NCOA2: variants seen among roughly 807,000 people sequenced by gnomAD.
NCOA2 encodes the protein nuclear receptor coactivator 2.
In NCOA2, 21 loss-of-function variants were observed where a neutral mutation model predicts 145.1. The observed-to-expected ratio is 0.14, with a 90% CI of 0.10 to 0.21. The LOEUF (loss-of-function observed/expected upper bound fraction) is 0.21, where lower values mean the gene tolerates loss of function less well. NCOA2 is among the 10% of genes least tolerant of loss of function. The pLI is 1.00. For missense variants in NCOA2, 1,472 were observed against 1,837.6 expected, an observed-to-expected ratio of 0.80 and a Z score of 3.64; for synonymous variants, 619 against 637.5, an observed-to-expected ratio of 0.97 and a Z score of 0.44.
the NCOA2 span, among the ~76,000 whole-genome samples, chr8:70,443,808 C>T: frequency 6.6e-6 from 1 of 152,156 alleles, no homozygotes; most frequent in African/African-American, 2.4e-5. Flanking sequence ...CTCTCGGCCT[C>T]AAGTGATCCT....
At chr8:70,359,724 A>C (rs1401085595) in intron 1 of NCOA2, among the ~76,000 whole-genome samples, 1 of 152,192 alleles carries the variant, frequency 6.6e-6, no homozygotes, top group African/African-American at 2.4e-5. Context: ...TATTAACTCA[A>C]CTTCACCTCA....
At chr8:70,357,629 T>C (rs1313554562) in intron 1 of NCOA2, among the ~76,000 whole-genome samples, 3 of 152,178 alleles carry the variant, frequency 2.0e-5, no homozygotes, top group East Asian at 1.9e-4. Flanking sequence ...TAGTCCCAGC[T>C]ACTAGTGAGG....
At chr8:70,132,758 G>A (rs897348807) in intron 15 of NCOA2, among the ~76,000 whole-genome samples, 19 of 152,130 alleles carry the variant, frequency 1.2e-4, no homozygotes, top group Non-Finnish European at 1.5e-4. Context: ...TAGAGATGGC[G>A]TTTCGCCATG....
the NCOA2 span, among the ~76,000 whole-genome samples, chr8:70,431,005 T>G: frequency 6.6e-6 from 1 of 152,212 alleles, no homozygotes; most frequent in South Asian, 2.1e-4. Flanking sequence ...AGCTGTATGT[T>G]GGAGTTTTAT....
At chr8:70,332,570 G>A (rs1403061508) in intron 1 of NCOA2, among the ~76,000 whole-genome samples, 1 of 152,116 alleles carries the variant, frequency 6.6e-6, no homozygotes, top group African/African-American at 2.4e-5. Context: ...GTTTTTAGGT[G>A]GGGGTGGCAA....
chr8:70,297,724 T>G (rs906742286), intron 1 of NCOA2, among the ~76,000 whole-genome samples: 1 of 152,218 alleles, frequency 6.6e-6, no homozygotes, highest in African/African-American at 2.4e-5. Context: ...GAACTGAATA[T>G]TTTCAATAAT....
At chr8:70,332,686 TA>T (rs1807218374) in intron 1 of NCOA2, among the ~76,000 whole-genome samples, 1 of 152,220 alleles carries the variant, frequency 6.6e-6, no homozygotes, top group Non-Finnish European at 1.5e-5. Context: ...TATATCTAAT[TA>T]TTTTTTTCCA....
At chr8:70,194,574 A>C (rs1817065488) in intron 4 of NCOA2, among the ~76,000 whole-genome samples, 1 of 152,160 alleles carries the variant, frequency 6.6e-6, no homozygotes, top group South Asian at 2.1e-4. Flanking sequence ...GTACAAAATG[A>C]ATGTTCTAAA....
upstream of NCOA2, among the ~76,000 whole-genome samples, chr8:70,406,103 A>G (rs984094083): frequency 6.6e-6 from 1 of 152,204 alleles, no homozygotes; most frequent in African/African-American, 2.4e-5. Context: ...TGTAAGTGCA[A>G]CAGAGCCCAA....
chr8:70,232,067 C>A (rs2134239219), intron 2 of NCOA2, among the ~76,000 whole-genome samples: 1 of 152,290 alleles, frequency 6.6e-6, no homozygotes. Context: ...TATAATCATG[C>A]CCTGAACCTT....
intron 2 of NCOA2, among the ~76,000 whole-genome samples, chr8:70,254,826 C>T (rs537434954): frequency 2.9e-4 from 44 of 152,184 alleles, no homozygotes; most frequent in East Asian, 9.6e-4. Context: ...CACTTAATGC[C>T]ACAGAACTAT....
intron 13 of NCOA2, among the ~76,000 whole-genome samples, chr8:70,143,549 C>T (rs1810696945): frequency 6.6e-6 from 1 of 152,098 alleles, no homozygotes; most frequent in African/African-American, 2.4e-5. Context: ...GCAGTCAGTG[C>T]ATGACATATG....
intron 1 of NCOA2, among the ~76,000 whole-genome samples, chr8:70,333,187 C>T (rs1807258558): frequency 6.6e-6 from 1 of 152,176 alleles, no homozygotes; most frequent in Non-Finnish European, 1.5e-5. Flanking sequence ...TTTCCAACTG[C>T]TTGCAGGGCA....
At chr8:70,131,659 G>A (rs1809116915) in intron 16 of NCOA2, among the ~76,000 whole-genome samples, 178 bp downstream of exon 16, 1 of 152,162 alleles carries the variant, frequency 6.6e-6, no homozygotes, top group Non-Finnish European at 1.5e-5. Flanking sequence ...TCAGGCAAAA[G>A]TTTATGTGAG....
chr8:70,296,719 T>C (rs1323363743), intron 2 of NCOA2, 25 bp downstream of exon 2: 1 of 152,172 alleles, frequency 6.6e-6, no homozygotes, highest in East Asian at 1.9e-4. Flanking sequence ...AAGTATCCAA[T>C]ATGAAGAATT....
At chr8:70,366,536 T>C (rs2131148872) in intron 1 of NCOA2, among the ~76,000 whole-genome samples, 1 of 151,324 alleles carries the variant, frequency 6.6e-6, no homozygotes, top group South Asian at 2.1e-4. Flanking sequence ...ATATTTAATA[T>C]GTATATATTA....
At chr8:70,427,442 A>G in the NCOA2 span, among the ~76,000 whole-genome samples, 1 of 152,236 alleles carries the variant, frequency 6.6e-6, no homozygotes, top group African/African-American at 2.4e-5. Context: ...ACACCTTTTC[A>G]TTTACTAATC....
chr8:70,113,215 A>G lies in NCOA2; in HGVS notation c.*417T>C, dbSNP rs1374236540. ...AGATAAAATCTTAATCTTTTGCACT[A>G]GACTGTTAGCCAGGGAAAACAAAGC... is the stretch of plus-strand genomic sequence containing the variant. On this transcript the variant is annotated 3_prime_UTR_variant, in exon 23 of 23. Transcript: ENST00000452400. 1 of 249,846 alleles carries G rather than the reference A, an allele frequency of 4.0e-6. No homozygotes were observed. The highest frequency in any genetic ancestry group is 2.2e-5 in the African/African-American group (1 of 45,748). 15.5% of individuals were successfully genotyped at this position (249,846 alleles called of 1,614,324 possible).
chr8:70,174,214 G>T (rs116509052), intron 5 of NCOA2, among the ~76,000 whole-genome samples: 1,733 of 152,250 alleles, frequency 0.011, 42 homozygotes, highest in African/African-American at 0.04. Context: ...TGGTCATAAA[G>T]CTTCCTGAAG....
Sources: gnomAD v4.1 joint callset for allele counts (sites outside exome capture counted in the v4.1 genomes callset) on GRCh38, gnomAD v4.1.1 for gene constraint, MANE v1.5 for transcripts, NCBI Gene and HGNC (gene_info 2026-07-23, HGNC 2026-07-21) for gene names.